COTL1: variants seen among roughly 807,000 people sequenced by gnomAD.
COTL1 encodes the protein coactosin-like protein.
Under a neutral mutation model 16.5 loss-of-function variants are expected in COTL1, and 15 were observed. The ratio of observed to expected loss-of-function variants is 0.91; its 90% CI spans 0.61 to 1.40. The LOEUF (loss-of-function observed/expected upper bound fraction) is 1.40, where lower values mean the gene tolerates loss of function less well. COTL1 is among the 40% of genes most tolerant of loss of function. COTL1 has a pLI of 0.00. For missense variants in COTL1, 220 were observed against 201.5 expected (o/e 1.09, Z -0.56); for synonymous variants, 112 against 85.3 (o/e 1.31, Z -1.73).
chr16:84,603,870 C>A (rs1431759738), intron 2 of COTL1, among the ~76,000 whole-genome samples: 1 of 151,962 alleles, frequency 6.6e-6, no homozygotes, highest in South Asian at 2.1e-4. Flanking sequence ...GAATAAAATG[C>A]GCACTGCTCC....
intron 2 of COTL1, among the ~76,000 whole-genome samples, chr16:84,608,292 C>A (rs1905253063): frequency 6.6e-6 from 1 of 152,062 alleles, no homozygotes; most frequent in Admixed American, 6.5e-5. Flanking sequence ...GACAAAAACC[C>A]AATTCACCTA....
intron 2 of COTL1, among the ~76,000 whole-genome samples, chr16:84,612,846 C>T (rs185801422): frequency 6.6e-6 from 1 of 152,294 alleles, no homozygotes; most frequent in African/African-American, 2.4e-5. Context: ...TGAACCCTCC[C>T]AGTCACCCTC....
intron 2 of COTL1, among the ~76,000 whole-genome samples, chr16:84,597,704 T>G (rs1905034708): frequency 6.6e-6 from 1 of 152,174 alleles, no homozygotes. Context: ...ACAGAAAAGC[T>G]GAAGTGCTCA....
At chr16:84,610,752 A>G (rs532698521) in intron 2 of COTL1, among the ~76,000 whole-genome samples, 1 of 152,108 alleles carries the variant, frequency 6.6e-6, no homozygotes, top group Non-Finnish European at 1.5e-5. Flanking sequence ...CAATCTCTAC[A>G]TCTCTCTCTG....
At chr16:84,580,875 G>A (rs1904572542) in intron 3 of COTL1, among the ~76,000 whole-genome samples, 1 of 152,112 alleles carries the variant, frequency 6.6e-6, no homozygotes, top group South Asian at 2.1e-4. Flanking sequence ...CAGGCATGGT[G>A]GCTCACGCCT....
intron 1 of COTL1, 78 bp downstream of exon 1, chr16:84,617,760 G>C: frequency 6.9e-7 from 1 of 1,455,460 alleles, no homozygotes; most frequent in African/African-American, 1.4e-5. Context: ...AATCCGTCCC[G>C]CCTGGAGGCC....
At chr16:84,607,404 C>G (rs1905235468) in intron 2 of COTL1, among the ~76,000 whole-genome samples, 1 of 152,124 alleles carries the variant, frequency 6.6e-6, no homozygotes. Context: ...GCAGTTCTTC[C>G]CAACTGCAGC....
At chr16:84,604,366 T>C (rs1410401538) in intron 2 of COTL1, among the ~76,000 whole-genome samples, 3 of 124,602 alleles carry the variant, frequency 2.4e-5, no homozygotes, top group Admixed American at 1.7e-4. Context: ...CCTGTCCTCC[T>C]GCCCACCCAG....
At chr16:84,593,148 G>A (rs1256232137) in intron 2 of COTL1, among the ~76,000 whole-genome samples, 1 of 152,222 alleles carries the variant, frequency 6.6e-6, no homozygotes, top group African/African-American at 2.4e-5. Context: ...CTCTCAACAC[G>A]AGGCCAGAGC....
chr16:84,613,918 G>A (rs540044130), intron 2 of COTL1, among the ~76,000 whole-genome samples: 1 of 152,152 alleles, frequency 6.6e-6, no homozygotes, highest in East Asian at 1.9e-4. Context: ...CATGACCTCA[G>A]GGCCAAAGAC....
intron 3 of COTL1, among the ~76,000 whole-genome samples, chr16:84,584,041 TG>T (rs1449467265): frequency 6.6e-6 from 1 of 152,228 alleles, no homozygotes; most frequent in African/African-American, 2.4e-5. Context: ...AGCCTGGCCC[TG>T]GCACATCGCA....
chr16:84,575,532 AT>A (rs1397916141), intron 3 of COTL1: 2 of 151,274 alleles, frequency 1.3e-5, no homozygotes, highest in African/African-American at 2.4e-5. Context: ...TCATTTTTGT[AT>A]TTTTATTAGA....
chr16:84,570,262 G>T (rs925158106), intron 3 of COTL1, among the ~76,000 whole-genome samples: 1 of 152,164 alleles, frequency 6.6e-6, no homozygotes, highest in Non-Finnish European at 1.5e-5. Context: ...GCAACAGAGC[G>T]AGATTCCATC....
intron 3 of COTL1, among the ~76,000 whole-genome samples, chr16:84,584,587 A>T (rs887571367): frequency 6.6e-6 from 1 of 152,192 alleles, no homozygotes; most frequent in African/African-American, 2.4e-5. Flanking sequence ...ACGGCTGGCA[A>T]TATCCGTGAA....
chr16:84,575,531 T>C (rs1275301602), intron 3 of COTL1: 1 of 152,042 alleles, frequency 6.6e-6, no homozygotes, highest in Admixed American at 6.6e-5. Context: ...CTCATTTTTG[T>C]ATTTTTATTA....
At chr16:84,579,149 A>G (rs1904521501) in intron 3 of COTL1, among the ~76,000 whole-genome samples, 1 of 152,242 alleles carries the variant, frequency 6.6e-6, no homozygotes, top group Non-Finnish European at 1.5e-5. Context: ...TGGGTATCAC[A>G]GACTTACATA....
At chr16:84,569,402 G>A (rs1044456388) in intron 3 of COTL1, among the ~76,000 whole-genome samples, 3 of 152,016 alleles carry the variant, frequency 2.0e-5, no homozygotes, top group Middle Eastern at 3.4e-3. Flanking sequence ...CAAAAAAGTC[G>A]CCATATTGCC....
chr16:84,604,433 G>A (rs1405914363), intron 2 of COTL1, among the ~76,000 whole-genome samples: 1 of 150,366 alleles, frequency 6.7e-6, no homozygotes, highest in Non-Finnish European at 1.5e-5. Context: ...TATTTACACA[G>A]CATGAACTGC....
intron 3 of COTL1, among the ~76,000 whole-genome samples, chr16:84,583,812 C>T (rs1904655949): frequency 6.6e-6 from 1 of 152,150 alleles, no homozygotes; most frequent in African/African-American, 2.4e-5. Flanking sequence ...TAGTTCACAC[C>T]ATCCCTGGCA....
Sources: gnomAD v4.1 joint callset for allele counts (sites outside exome capture counted in the v4.1 genomes callset) on GRCh38, gnomAD v4.1.1 for gene constraint, MANE v1.5 for transcripts, NCBI Gene and HGNC (gene_info 2026-07-23, HGNC 2026-07-21) for gene names.